The following ATF1 variants were observed in gnomAD, a reference collection of about 807,000 sequenced individuals.
The protein encoded by ATF1 is activating transcription factor 1, also known as cyclic AMP-dependent transcription factor ATF-1.
ATF1 carries 16 observed loss-of-function variants against 34.7 expected under a neutral mutation model. The observed-to-expected ratio is 0.46, with a 90% CI of 0.31 to 0.70. The LOEUF is 0.70. Ranked by LOEUF, ATF1 falls within the 30% of genes least tolerant of loss-of-function variation. The pLI, the probability that ATF1 is intolerant of heterozygous loss-of-function variation, is 0.05. For synonymous variants in ATF1, 105 were observed against 113.1 expected, an observed-to-expected ratio of 0.93 and a Z score of 0.46; for missense variants, 255 against 321.6, an observed-to-expected ratio of 0.79 and a Z score of 1.58.
chr12:50,787,072 G>A (rs1194143791), intron 2 of ATF1, among the ~76,000 whole-genome samples: 1 of 152,196 alleles, frequency 6.6e-6, no homozygotes, highest in Non-Finnish European at 1.5e-5. Context: ...TTCCTGAATA[G>A]ATGACTCAAC....
At chr12:50,779,078 G>A (rs1347969555) in intron 1 of ATF1, among the ~76,000 whole-genome samples, 4 of 152,206 alleles carry the variant, frequency 2.6e-5, no homozygotes, top group African/African-American at 9.7e-5. Flanking sequence ...CATCCATGCT[G>A]TAGCATGTGA....
chr12:50,779,940 T>C (rs1031578233), intron 1 of ATF1, among the ~76,000 whole-genome samples, 200 bp from the exon 2 acceptor site: 1 of 152,216 alleles, frequency 6.6e-6, no homozygotes, highest in African/African-American at 2.4e-5. Context: ...ATGTGCCTTT[T>C]ATTAAACTTA....
At chr12:50,809,396 T>G in intron 3 of ATF1, 60 bp from the exon 4 acceptor site, 1 of 653,594 alleles carries the variant, frequency 1.5e-6, no homozygotes, top group South Asian at 2.3e-5. Flanking sequence ...AAAAAAAAAA[T>G]TATTTTTGTG....
chr12:50,775,319 T>A lies in ATF1; in HGVS notation c.-6-4821T>A, dbSNP rs189338613. Among the ~76,000 whole-genome samples, 83 of 152,196 alleles carry A rather than the reference T, an allele frequency of 5.5e-4. No individual in the cohort carries two copies. The East Asian group carries it at 0.016, about 29-fold the overall frequency. ...ATTATAGTGGCTTTTACTGTTGATA[T>A]GTGTGTTTTTTTTTTGATCATATTA... On this transcript the variant is annotated intron_variant, in intron 1 of 6. Coordinates refer to ENST00000262053, the MANE Select transcript of ATF1 (RefSeq NM_005171.5).
Position 50,809,455 on chromosome 12 carries a change from G to A in ATF1, c.195-1G>A. ...TAATAGAGTTCTGGTTTTTTTTACA[G>A]AAAAATTTTGAAAGACTTATCTTCT... On this transcript the variant is annotated splice_acceptor_variant, in intron 3 of 6. Transcript: ENST00000262053. LOFTEE classifies it high-confidence loss of function. The A allele has an allele frequency of 6.2e-7, 1 of 1,601,448 alleles. No homozygotes were observed. Among genetic ancestry groups the A allele is most frequent in the Non-Finnish European group, 8.5e-7 (1 of 1,174,102 alleles).
intron 6 of ATF1, among the ~76,000 whole-genome samples, chr12:50,818,120 T>C (rs1288759580): frequency 6.6e-6 from 1 of 152,178 alleles, no homozygotes; most frequent in Non-Finnish European, 1.5e-5. Context: ...ATATAGCTTG[T>C]GATCCTTCAA....
chr12:50,796,076 G>A, intron 3 of ATF1, 67 bp downstream of exon 3: 1 of 1,327,238 alleles, frequency 7.5e-7, no homozygotes, highest in East Asian at 2.4e-5. Context: ...GAGGTGCTGT[G>A]CAAAGTACAC....
Position 50,809,447 on chromosome 12 carries a change from T to C in ATF1, c.195-9T>C. ...CCAATGTTTAATAGAGTTCTGGTTTTTTTTACAGAAAAATTTTGAAAGACT... is the reference window on the plus strand; with the variant it reads ...CCAATGTTTAATAGAGTTCTGGTTTCTTTTACAGAAAAATTTTGAAAGACT... On this transcript the variant is annotated splice_polypyrimidine_tract_variant and intron_variant, in intron 3 of 6. Transcript: ENST00000262053. 1 of 1,608,358 alleles carries C rather than the reference T, an allele frequency of 6.2e-7. No individual in the cohort carries two copies. Among genetic ancestry groups the C allele is most frequent in the Non-Finnish European group, 8.5e-7 (1 of 1,176,304 alleles).
At chr12:50,784,139 G>T (rs1364525596) in intron 2 of ATF1, among the ~76,000 whole-genome samples, 1 of 151,866 alleles carries the variant, frequency 6.6e-6, no homozygotes, top group Non-Finnish European at 1.5e-5. Context: ...CTCCAGGCTG[G>T]GTCACAGCAT....
At chr12:50,768,771 T>C (rs750805590) in intron 1 of ATF1, among the ~76,000 whole-genome samples, 1 of 152,222 alleles carries the variant, frequency 6.6e-6, no homozygotes, top group Admixed American at 6.5e-5. Context: ...ATCTTTAAAA[T>C]TGATAAAAAT....
chr12:50,781,302 A>G (rs1941055459), intron 2 of ATF1, among the ~76,000 whole-genome samples: 1 of 152,218 alleles, frequency 6.6e-6, no homozygotes, highest in Non-Finnish European at 1.5e-5. Flanking sequence ...CTATATGACA[A>G]GAAAAACAGT....
intron 1 of ATF1, among the ~76,000 whole-genome samples, chr12:50,770,762 TG>T (rs763045647): frequency 3.9e-5 from 6 of 152,202 alleles, no homozygotes; most frequent in African/African-American, 7.2e-5. Flanking sequence ...TTTTTAAGTT[TG>T]TTTCTGCAAT....
chr12:50,765,874 C>T (rs1282941035), intron 1 of ATF1, among the ~76,000 whole-genome samples: 2 of 152,172 alleles, frequency 1.3e-5, no homozygotes, highest in Non-Finnish European at 2.9e-5. Flanking sequence ...TAATCCACCC[C>T]TTGTTTAGCC....
chr12:50,812,591 G>A (rs561457526), intron 4 of ATF1, among the ~76,000 whole-genome samples: 1 of 152,284 alleles, frequency 6.6e-6, no homozygotes, highest in South Asian at 2.1e-4. Flanking sequence ...CTGCACTTTG[G>A]GAGGCCAAAG....
chr12:50,813,821 A>G (rs62978260), intron 4 of ATF1, among the ~76,000 whole-genome samples, 189 bp from the exon 5 acceptor site: 1 of 1,694 alleles, frequency 5.9e-4, no homozygotes, highest in Non-Finnish European at 0.024. Context: ...CTCAAAAAAG[A>G]AAAAAAAAAA....
intron 1 of ATF1, among the ~76,000 whole-genome samples, chr12:50,768,173 A>G (rs1038878181): frequency 6.6e-5 from 10 of 152,232 alleles, no homozygotes; most frequent in African/African-American, 2.4e-4. Context: ...GCACCCAGCC[A>G]GCTTTTGCAC....
At chr12:50,778,271 G>A (rs1940975992) in intron 1 of ATF1, among the ~76,000 whole-genome samples, 1 of 131,716 alleles carries the variant, frequency 7.6e-6, no homozygotes, top group Non-Finnish European at 1.6e-5. Flanking sequence ...CTGTCACTAG[G>A]CTGGAGTGCA....
At chr12:50,768,026 C>CTA (rs779590447) in intron 1 of ATF1, among the ~76,000 whole-genome samples, 2 of 152,256 alleles carry the variant, frequency 1.3e-5, no homozygotes, top group South Asian at 4.1e-4. Flanking sequence ...GTGTGTGCCA[C>CTA]TACGCCCAGC....
At position 50,819,852 on chromosome 12, in the gene ATF1, T is replaced by C; in HGVS notation, c.*73T>C. ...GATTTCCTAGTGGAGTTTTATAAAT[T>C]AAAAGGTCAAAACTGAAGCTTTTTA... On this transcript the variant is annotated 3_prime_UTR_variant, in exon 7 of 7. Coordinates refer to ENST00000262053, the MANE Select transcript of ATF1 (RefSeq NM_005171.5). 7.8e-7 allele frequency: 1 copy of C among 1,283,324 alleles called. No homozygotes were observed. Among genetic ancestry groups the C allele is most frequent in the Non-Finnish European group, 1.1e-6 (1 of 929,872 alleles). 79.5% of individuals were successfully genotyped at this position (1,283,324 alleles called of 1,614,324 possible). A position where few individuals can be genotyped will look rare whatever the true frequency, so the allele number is the denominator to read the frequency against.
Sources: gnomAD v4.1 joint callset for allele counts (sites outside exome capture counted in the v4.1 genomes callset) on GRCh38, gnomAD v4.1.1 for gene constraint, MANE v1.5 for transcripts, NCBI Gene and HGNC (gene_info 2026-07-23, HGNC 2026-07-21) for gene names.